WASHC5: variants seen among roughly 807,000 people sequenced by gnomAD.
The protein encoded by WASHC5 is WASH complex subunit strumpellin.
A neutral mutation model predicts 150.4 loss-of-function variants in WASHC5; 101 were observed. The ratio of observed to expected loss-of-function variants is 0.67; its 90% CI spans 0.57 to 0.79. WASHC5 has a LOEUF of 0.79. Ranked by LOEUF, WASHC5 falls within the 30% of genes least tolerant of loss-of-function variation. The probability of loss-of-function intolerance (pLI) is 0.00; values close to 1 mark genes in which losing one functional copy is unlikely to be tolerated. For synonymous variants in WASHC5, 467 were observed against 491.2 expected, an observed-to-expected ratio of 0.95 and a Z score of 0.65; for missense variants, 1,195 against 1,396.3, an observed-to-expected ratio of 0.86 and a Z score of 2.30.
At chr8:125,091,434 C>G (rs1441891058) in intron 1 of WASHC5, among the ~76,000 whole-genome samples, 181 bp downstream of exon 1, 1 of 152,172 alleles carries the variant, frequency 6.6e-6, no homozygotes, top group Non-Finnish European at 1.5e-5. Flanking sequence ...TGATTTCCCC[C>G]TAAGCGGAGA....
chr8:125,034,652 T>A (rs1019672701), intron 26 of WASHC5, among the ~76,000 whole-genome samples: 4 of 152,190 alleles, frequency 2.6e-5, no homozygotes, highest in African/African-American at 9.6e-5. Context: ...TCAAGTTAAC[T>A]GGTTAGACAG....
intron 1 of WASHC5, among the ~76,000 whole-genome samples, chr8:125,086,386 C>A (rs970116447): frequency 1.3e-5 from 2 of 152,160 alleles, no homozygotes; most frequent in African/African-American, 4.8e-5. Flanking sequence ...GCAATCCTCC[C>A]ATCTCAGCCT....
chr8:125,067,054 G>A (rs1816761700), intron 10 of WASHC5, among the ~76,000 whole-genome samples: 1 of 152,138 alleles, frequency 6.6e-6, no homozygotes, highest in African/African-American at 2.4e-5. Flanking sequence ...TCACTCTGTT[G>A]CCTAGGCTGG....
Position 125,044,537 on chromosome 8 carries a change from T to C in WASHC5, c.2666A>G (p.Gln889Arg). 6.2e-7 allele frequency: 1 copy of C among 1,613,936 alleles called. No homozygotes were observed. Residue 889 changes from glutamine to arginine, a missense_variant and splice_region_variant, in exon 21 of 29, where the codon CAG becomes CGG. Coordinates refer to ENST00000318410, the MANE Select transcript of WASHC5 (RefSeq NM_014846.4). ...LLCFMIVKEL[Q>R]NFLSMFQKII... ...AGGCATGAAAGTCAAAAGGCTCACC[T>C]GTAACTCTTTTACAATCATAAAGCA...
rs1292239310 is a variant in WASHC5, at chr8:125,044,662, A to G, written c.2541T>C (p.Tyr847=). 7.4e-6 allele frequency: 12 copies of G among 1,614,152 alleles called. No homozygotes were observed. Among genetic ancestry groups the G allele is most frequent in the Admixed American group, 3.3e-5 (2 of 60,030 alleles). ...TCACTTCCTGATGAGTTTTCATATC[A>G]TACCAAGTGTTCAGCTGGTCTATGT... ...TCHIDQLNTW[Y]DMKTHQEVTS... Residue 847 remains tyrosine (Y), a synonymous_variant, in exon 21 of 29, where the codon TAT becomes TAC. Transcript: ENST00000318410.
intron 25 of WASHC5, 107 bp from the exon 26 acceptor site, chr8:125,037,440 G>T: frequency 1.3e-6 from 1 of 768,720 alleles, no homozygotes. Context: ...TTGCTCTTTG[G>T]CTTTCCTGAA....
At chr8:125,038,552 G>T (rs1815784395) in intron 25 of WASHC5, among the ~76,000 whole-genome samples, 1 of 152,296 alleles carries the variant, frequency 6.6e-6, no homozygotes, top group African/African-American at 2.4e-5. Context: ...ATGACTGAAC[G>T]GCAAACCCCA....
intron 6 of WASHC5, among the ~76,000 whole-genome samples, chr8:125,077,121 C>T (rs147060342): frequency 1.3e-5 from 2 of 152,332 alleles, no homozygotes; most frequent in Non-Finnish European, 2.9e-5. Context: ...CCCTCACGTA[C>T]TAGAAATCTT....
At chr8:125,072,643 G>A (rs1189814942) in intron 9 of WASHC5, among the ~76,000 whole-genome samples, 2 of 152,080 alleles carry the variant, frequency 1.3e-5, no homozygotes, top group Admixed American at 1.3e-4. Flanking sequence ...CAAAGTGATG[G>A]GATTACAAGT....
chr8:125,039,596 G>C (rs1183475423), intron 24 of WASHC5, among the ~76,000 whole-genome samples, 199 bp downstream of exon 24: 1 of 152,166 alleles, frequency 6.6e-6, no homozygotes, highest in Non-Finnish European at 1.5e-5. Flanking sequence ...GAGAGTGAGT[G>C]AGAGACAGAG....
At chr8:125,053,658 A>G (rs1212878382) in intron 17 of WASHC5, among the ~76,000 whole-genome samples, 4 of 152,152 alleles carry the variant, frequency 2.6e-5, no homozygotes, top group African/African-American at 9.7e-5. Flanking sequence ...AACACATACC[A>G]AAGTTCCATT....
Position 125,081,672 on chromosome 8 carries a change from G to T in WASHC5, c.507C>A (p.Tyr169Ter). 1 of 1,603,428 alleles carries T rather than the reference G, an allele frequency of 6.2e-7. No individual in the cohort carries two copies. Among genetic ancestry groups the T allele is most frequent in the Non-Finnish European group, 8.5e-7 (1 of 1,170,790 alleles). ...GEVRERMLVS[Y>*]YRYSAARSSA... ...TAGCCCAGGAATACCTGTATCGGTA[G>T]TAAGAAACCAGCATCCTCTCTCTGA... Residue 169 changes from tyrosine to a stop codon, truncating the protein, a stop_gained, in exon 5 of 29, where the codon TAC becomes TAA. Transcript: ENST00000318410. LOFTEE classifies it high-confidence loss of function.
rs1815833454 is a variant in WASHC5, at chr8:125,039,804, T to A, written c.2945A>T (p.Asn982Ile). The change falls in exon 24 of 29, where the codon AAT (asparagine) becomes ATT (isoleucine). Residue 982 changes from asparagine to isoleucine, a missense_variant. This residue lies in a region of WASHC5 where 997 missense variants were observed against 1,168.1 expected (regional missense o/e 0.85). Coordinates refer to ENST00000318410, the MANE Select transcript of WASHC5 (RefSeq NM_014846.4). ...DSKHLAAALE[N>I]LNKALLADIE... ...AAACCCTGGCACTTACTTATTGAGA[T>A]TCTCCAGAGCAGCTGCCAGATGTTT... 1.2e-6 allele frequency: 2 copies of A among 1,611,238 alleles called. No individual in the cohort carries two copies. The highest frequency in any genetic ancestry group is 3.3e-5 in the Admixed American group (2 of 60,022).
intron 1 of WASHC5, among the ~76,000 whole-genome samples, chr8:125,088,436 A>AGG (rs1300675108): frequency 7.6e-6 from 1 of 132,406 alleles, no homozygotes; most frequent in Admixed American, 7.4e-5. Context: ...AAAAAAAAAA[A>AGG]GGGGGAGGGG....
Position 125,032,398 on chromosome 8 carries a change from C to A in WASHC5, c.3182-4G>T. The A allele has an allele frequency of 6.2e-7, 1 of 1,613,780 alleles. No homozygotes were observed. Among genetic ancestry groups the A allele is most frequent in the Non-Finnish European group, 8.5e-7 (1 of 1,179,998 alleles). On this transcript the variant is annotated splice_polypyrimidine_tract_variant and splice_region_variant and intron_variant, in intron 26 of 28. Coordinates refer to ENST00000318410, the MANE Select transcript of WASHC5 (RefSeq NM_014846.4). ...GTCGGTTTTCGGCAGACCATTCCTG[C>A]AAGGGAACAAGTTGCAACACCATAT...
At chr8:125,067,918 A>G (rs534682292) in intron 9 of WASHC5, among the ~76,000 whole-genome samples, 199 bp from the exon 10 acceptor site, 1 of 152,370 alleles carries the variant, frequency 6.6e-6, no homozygotes, top group African/African-American at 2.4e-5. Flanking sequence ...TGAATCTGAC[A>G]TGGAGTGCCA....
intron 9 of WASHC5, 103 bp from the exon 10 acceptor site, chr8:125,067,822 G>A: frequency 1.6e-6 from 2 of 1,249,158 alleles, no homozygotes; most frequent in Non-Finnish European, 1.1e-6. Context: ...CATTTAAAAA[G>A]TAATAAGCAA....
chr8:125,027,870 T>C (rs1586328610), intron 28 of WASHC5, among the ~76,000 whole-genome samples: 2 of 152,234 alleles, frequency 1.3e-5, no homozygotes, highest in African/African-American at 4.8e-5. Context: ...GTCTTGCACC[T>C]GTATAACAAA....
chr8:125,061,006 C>T, intron 12 of WASHC5, 76 bp downstream of exon 12: 1 of 785,582 alleles, frequency 1.3e-6, no homozygotes, highest in Non-Finnish European at 2.3e-6. Context: ...GCTATATTTA[C>T]AGGAACAGAC....
Sources: allele counts gnomAD v4.1 joint callset (sites outside exome capture counted in the v4.1 genomes callset), GRCh38; gene constraint gnomAD v4.1.1; regional missense constraint gnomAD v4.1.1; transcripts MANE v1.5; gene names NCBI Gene and HGNC (gene_info 2026-07-23, HGNC 2026-07-21).